ANO6: variants seen among roughly 807,000 people sequenced by gnomAD.
ANO6 encodes the protein anoctamin 6, also known as anoctamin-6.
ANO6 carries 106 observed loss-of-function variants against 117.5 expected under a neutral mutation model. That is an observed-to-expected ratio of 0.90 (90% CI 0.77 to 1.06). ANO6 has a LOEUF of 1.06. Ranked by LOEUF, ANO6 falls within the 50% of genes least tolerant of loss-of-function variation. The pLI, the probability that ANO6 is intolerant of heterozygous loss-of-function variation, is 0.00. For missense variants in ANO6, 955 were observed against 1,121.1 expected, an observed-to-expected ratio of 0.85 and a Z score of 2.12; for synonymous variants, 367 against 385.1, an observed-to-expected ratio of 0.95 and a Z score of 0.55.
chr12:45,385,425 C>G (rs1172996453), intron 10 of ANO6, among the ~76,000 whole-genome samples: 1 of 152,016 alleles, frequency 6.6e-6, no homozygotes. Context: ...AAGTAGAGTC[C>G]TCTGTTGATG....
chr12:45,435,814 AT>A (rs1203709251), downstream of ANO6, among the ~76,000 whole-genome samples: 6 of 152,188 alleles, frequency 3.9e-5, no homozygotes, highest in Non-Finnish European at 4.4e-5. Context: ...AAGACATAAG[AT>A]TTAGAAATAG....
intron 8 of ANO6, among the ~76,000 whole-genome samples, chr12:45,362,641 G>A (rs1941584412): frequency 6.6e-6 from 1 of 151,568 alleles, no homozygotes; most frequent in South Asian, 2.1e-4. Flanking sequence ...TTTTTTGTGT[G>A]TTAAATAGAT....
chr12:45,274,893 C>T (rs138474084), intron 1 of ANO6, among the ~76,000 whole-genome samples: 18 of 149,776 alleles, frequency 1.2e-4, no homozygotes, highest in African/African-American at 4.4e-4. Flanking sequence ...ATGTCACCTA[C>T]TCAGAGCTGT....
chr12:45,385,805 C>T (rs1358390800), intron 10 of ANO6, among the ~76,000 whole-genome samples: 1 of 152,222 alleles, frequency 6.6e-6, no homozygotes, highest in Non-Finnish European at 1.5e-5. Flanking sequence ...CTGATTCCAA[C>T]ATCCAGGTTA....
intron 1 of ANO6, among the ~76,000 whole-genome samples, chr12:45,227,902 T>C (rs1006480609): frequency 1.3e-5 from 2 of 152,182 alleles, no homozygotes; most frequent in African/African-American, 4.8e-5. Flanking sequence ...GCGATAATTA[T>C]TGTGTGTGTT....
intron 1 of ANO6, among the ~76,000 whole-genome samples, chr12:45,242,622 G>T (rs1947764042): frequency 6.6e-6 from 1 of 152,210 alleles, no homozygotes; most frequent in South Asian, 2.1e-4. Flanking sequence ...AGGTACCTCA[G>T]TTGGAAATGC....
chr12:45,297,502 A>T (rs932165319), intron 1 of ANO6, among the ~76,000 whole-genome samples: 17 of 152,294 alleles, frequency 1.1e-4, no homozygotes, highest in African/African-American at 4.1e-4. Flanking sequence ...TACAATTGGG[A>T]CAATGGATGT....
At chr12:45,412,731 A>G (rs1943117617) in intron 16 of ANO6, among the ~76,000 whole-genome samples, 1 of 152,154 alleles carries the variant, frequency 6.6e-6, no homozygotes, top group Non-Finnish European at 1.5e-5. Context: ...CATCCATTAA[A>G]CATTTATTAA....
intron 1 of ANO6, chr12:45,292,665 A>G: frequency 1.6e-6 from 2 of 1,230,724 alleles, no homozygotes; most frequent in Non-Finnish European, 2.0e-6. Context: ...TTCTAGATGT[A>G]TTTTTAGAGC....
chr12:45,373,119 C>G (rs1423446609), intron 9 of ANO6, among the ~76,000 whole-genome samples: 1 of 151,952 alleles, frequency 6.6e-6, no homozygotes, highest in Non-Finnish European at 1.5e-5. Context: ...CAAAGAAGGC[C>G]ATTACATAAT....
chr12:45,289,174 T>TC (rs1939016598), intron 1 of ANO6, among the ~76,000 whole-genome samples: 1 of 148,710 alleles, frequency 6.7e-6, no homozygotes, highest in Admixed American at 6.7e-5. Flanking sequence ...TTATTACTTT[T>TC]TTTTTTTTTT....
chr12:45,348,158 G>A lies in ANO6; in HGVS notation c.476G>A (p.Gly159Asp). The A allele has an allele frequency of 6.2e-7, 1 of 1,614,020 alleles. No individual in the cohort carries two copies. The highest frequency in any genetic ancestry group is 8.5e-7 in the Non-Finnish European group (1 of 1,179,978). The change falls in exon 5 of 20, where the codon GGT (glycine) becomes GAT (aspartate). Residue 159 changes from glycine (G) to aspartate (D), a missense_variant. Gly to Asp is a moderately conservative substitution (Grantham distance 94, BLOSUM62 -1). Transcript: ENST00000320560. Reference sequence around the variant, plus strand: ...CTGAAAAACCGGTCCTCAGCCTTTGGTACACTCAACTGGTTTACCAAAGTC... The same window carrying A: ...CTGAAAAACCGGTCCTCAGCCTTTGATACACTCAACTGGTTTACCAAAGTC... ...NDLKNRSSAF[G>D]TLNWFTKVLS...
intron 12 of ANO6, among the ~76,000 whole-genome samples, chr12:45,391,888 G>A (rs1338248411): frequency 3.3e-5 from 5 of 152,152 alleles, no homozygotes; most frequent in Non-Finnish European, 7.4e-5. Flanking sequence ...AAGTTGCCAA[G>A]ATGGCCAAAT....
rs774970198 is a variant in ANO6 at position 45,248,586 on chromosome 12, A to G, written c.70+32195A>G. On this transcript the variant is annotated intron_variant, in intron 1 of 19. Coordinates refer to ENST00000320560, the MANE Select transcript of ANO6 (RefSeq NM_001025356.3). ...GTAGCTAGGATTACAGGTGCACGCC[A>G]CCAAGCCCAGTTAATTTTTGTATTT... Among the ~76,000 whole-genome samples, 23 of 151,940 alleles carry G rather than the reference A, an allele frequency of 1.5e-4. No homozygotes were observed. In the South Asian group the frequency reaches 2.9e-3, roughly 19 times the overall value.
Position 45,429,139 on chromosome 12 carries a change from A to T in ANO6, c.2561A>T (p.Tyr854Phe). 1 of 1,613,808 alleles carries T rather than the reference A, an allele frequency of 6.2e-7. No individual in the cohort carries two copies. The highest frequency in any genetic ancestry group is 8.5e-7 in the Non-Finnish European group (1 of 1,179,894). The change falls in exon 20 of 20, where the codon TAT (tyrosine) becomes TTT (phenylalanine). Residue 854 changes from tyrosine to phenylalanine, a missense_variant. Physicochemically the swap from Tyr to Phe is conservative, Grantham distance 22 (BLOSUM62 3). Coordinates refer to ENST00000320560, the MANE Select transcript of ANO6 (RefSeq NM_001025356.3). ...VIYSVKFFISYAIPDVSKRTK... is the reference protein window; with the variant it reads ...VIYSVKFFISFAIPDVSKRTK... ...TACTCTGTGAAATTTTTCATTTCAT[A>T]TGCAATTCCCGATGTATCAAAACGC...
At chr12:45,388,448 G>A (rs2137576275) in intron 11 of ANO6, 145 bp downstream of exon 11, 1 of 1,086,296 alleles carries the variant, frequency 9.2e-7, no homozygotes, top group East Asian at 2.6e-5. Flanking sequence ...TTAGTAACCT[G>A]GGGGTATTCT....
intron 1 of ANO6, among the ~76,000 whole-genome samples, chr12:45,217,901 G>T (rs1163942944): frequency 6.6e-6 from 1 of 152,178 alleles, no homozygotes; most frequent in Non-Finnish European, 1.5e-5. Context: ...GTAAATAAGG[G>T]CAGAAGCTCA....
chr12:45,231,887 C>A (rs997377248), intron 1 of ANO6, among the ~76,000 whole-genome samples: 8 of 152,106 alleles, frequency 5.3e-5, no homozygotes, highest in African/African-American at 1.9e-4. Flanking sequence ...GTTACAGTTG[C>A]CTTTACTGTG....
At chr12:45,328,611 CAT>C (rs1441803784) in intron 2 of ANO6, among the ~76,000 whole-genome samples, 1 of 152,082 alleles carries the variant, frequency 6.6e-6, no homozygotes, top group African/African-American at 2.4e-5. Flanking sequence ...TATTATGTTT[CAT>C]ATTTTGAGAA....
Sources: allele counts gnomAD v4.1 joint callset (sites outside exome capture counted in the v4.1 genomes callset), GRCh38; gene constraint gnomAD v4.1.1; transcripts MANE v1.5; gene names NCBI Gene and HGNC (gene_info 2026-07-23, HGNC 2026-07-21).